PARD3B: variants seen among roughly 807,000 people sequenced by gnomAD.
The protein encoded by PARD3B is par-3 family cell polarity regulator beta.
In PARD3B, 103 loss-of-function variants were observed where a neutral mutation model predicts 130.2. The observed-to-expected ratio is 0.79, with a 90% CI of 0.67 to 0.93. The LOEUF (loss-of-function observed/expected upper bound fraction) is 0.93, where lower values mean the gene tolerates loss of function less well. Ranked by LOEUF, PARD3B falls within the 40% of genes least tolerant of loss-of-function variation. The probability of loss-of-function intolerance (pLI) is 0.00; values close to 1 mark genes in which losing one functional copy is unlikely to be tolerated. For missense variants in PARD3B, 1,609 were observed against 1,499.2 expected, an observed-to-expected ratio of 1.07 and a Z score of -1.21; for synonymous variants, 583 against 553.2, an observed-to-expected ratio of 1.05 and a Z score of -0.76.
chr2:205,027,861 A>C (rs1209484844), intron 3 of PARD3B, among the ~76,000 whole-genome samples: 2 of 152,228 alleles, frequency 1.3e-5, no homozygotes, highest in East Asian at 3.9e-4. Flanking sequence ...CTTGTCAAAG[A>C]TTAGTTGACC....
At chr2:205,355,708 C>T (rs942499806) in intron 18 of PARD3B, among the ~76,000 whole-genome samples, 6 of 152,114 alleles carry the variant, frequency 3.9e-5, no homozygotes, top group Admixed American at 6.5e-5. Flanking sequence ...AAAAAAACTG[C>T]CCAAGACTGG....
intron 18 of PARD3B, among the ~76,000 whole-genome samples, chr2:205,313,141 C>T (rs1237230562): frequency 1.3e-5 from 2 of 152,062 alleles, no homozygotes; most frequent in Admixed American, 1.3e-4. Context: ...AGTATGATAA[C>T]TAAAAAGTTA....
At chr2:205,415,607 C>T (rs1299457517) in intron 19 of PARD3B, among the ~76,000 whole-genome samples, 1 of 152,196 alleles carries the variant, frequency 6.6e-6, no homozygotes, top group Non-Finnish European at 1.5e-5. Context: ...GGAATAAGCA[C>T]ACTCTACTGA....
intron 3 of PARD3B, among the ~76,000 whole-genome samples, chr2:204,980,293 G>C (rs1361943018): frequency 1.3e-5 from 2 of 152,138 alleles, no homozygotes; most frequent in Non-Finnish European, 2.9e-5. Context: ...TGTAGTATTT[G>C]TTTATAACCC....
At chr2:205,067,835 C>G (rs1306285644) in intron 4 of PARD3B, among the ~76,000 whole-genome samples, 1 of 152,150 alleles carries the variant, frequency 6.6e-6, no homozygotes, top group Non-Finnish European at 1.5e-5. Flanking sequence ...ACTCAGCCTT[C>G]CTTTCATTTC....
At chr2:204,802,421 A>G (rs999691107) in intron 2 of PARD3B, among the ~76,000 whole-genome samples, 7 of 152,200 alleles carry the variant, frequency 4.6e-5, no homozygotes, top group Non-Finnish European at 8.8e-5. Context: ...ACCATTGTGG[A>G]AGACAGTGTG....
At chr2:204,778,155 A>G (rs908026301) in intron 2 of PARD3B, among the ~76,000 whole-genome samples, 14 of 151,996 alleles carry the variant, frequency 9.2e-5, no homozygotes, top group Non-Finnish European at 1.8e-4. Flanking sequence ...TCAAAAAAAA[A>G]AAAAAAAAAG....
intron 1 of PARD3B, among the ~76,000 whole-genome samples, chr2:204,579,116 A>AATC (rs374676828): frequency 0.018 from 2,662 of 150,798 alleles, 40 homozygotes; most frequent in African/African-American, 0.038. Context: ...TATGAAAGGA[A>AATC]ATCATCATCA....
rs1701185181 is a variant in PARD3B, at chr2:205,078,080, A to C, written c.505-26346A>C. Among the ~76,000 whole-genome samples, 1 of 152,222 alleles carries C rather than the reference A, an allele frequency of 6.6e-6. No homozygotes were observed. Among genetic ancestry groups the C allele is most frequent in the East Asian group, 1.9e-4 (1 of 5,198 alleles). On this transcript the variant is annotated intron_variant, in intron 4 of 22. Coordinates refer to ENST00000406610, the MANE Select transcript of PARD3B (RefSeq NM_001302769.2). The surrounding 1 kb of genome is among the most constrained non-coding windows in gnomAD (Gnocchi z 4.0). ...ATTGTGATTTTAATCCCAGAGAGTC[A>C]GTTTATGTCTGTATAACATGCATGG...
intron 19 of PARD3B, among the ~76,000 whole-genome samples, chr2:205,415,427 A>G (rs1369022236): frequency 1.3e-5 from 2 of 152,184 alleles, no homozygotes; most frequent in African/African-American, 4.8e-5. Context: ...TGGGCACTTA[A>G]TTCTTGAGGA....
chr2:204,702,999 A>G (rs915096617), intron 2 of PARD3B, among the ~76,000 whole-genome samples: 2 of 152,220 alleles, frequency 1.3e-5, no homozygotes, highest in South Asian at 2.1e-4. Context: ...TCCAATTAGA[A>G]TTTACTTTAT....
intron 2 of PARD3B, among the ~76,000 whole-genome samples, chr2:204,843,512 C>T (rs2044332858): frequency 6.6e-6 from 1 of 152,034 alleles, no homozygotes; most frequent in Non-Finnish European, 1.5e-5. Context: ...GCCTCAGCCT[C>T]TTGAGTAGCT....
At chr2:205,545,746 G>A (rs933362556) in intron 21 of PARD3B, among the ~76,000 whole-genome samples, 4 of 152,098 alleles carry the variant, frequency 2.6e-5, no homozygotes, top group Non-Finnish European at 5.9e-5. Flanking sequence ...ATTTTGAATT[G>A]TTTCCGCTTT....
intron 10 of PARD3B, among the ~76,000 whole-genome samples, chr2:205,148,091 C>T (rs2033494840): frequency 6.6e-6 from 1 of 151,570 alleles, no homozygotes; most frequent in Admixed American, 6.6e-5. Flanking sequence ...TGTATTTTGC[C>T]CTCTAGACTA....
At position 205,606,656 on chromosome 2, in the gene PARD3B, C is replaced by T. The variant is rs192738434; in HGVS notation, c.3261-8800C>T. Among the ~76,000 whole-genome samples the T allele has an allele frequency of 7.2e-5, 11 of 152,292 alleles. No homozygotes were observed. The East Asian group carries it at 1.9e-3, about 27-fold the overall frequency. On this transcript the variant is annotated intron_variant, in intron 22 of 22. Coordinates refer to ENST00000406610, the MANE Select transcript of PARD3B (RefSeq NM_001302769.2). ...GCTCCAGATACCCTCTCTAGACCAACCTTCTGCTTCTTACTTGCCTGCTCT... is the reference window on the plus strand; with the variant it reads ...GCTCCAGATACCCTCTCTAGACCAATCTTCTGCTTCTTACTTGCCTGCTCT...
chr2:204,944,369 G>T (rs191826378), intron 2 of PARD3B, among the ~76,000 whole-genome samples: 47 of 152,272 alleles, frequency 3.1e-4, no homozygotes, highest in Admixed American at 7.2e-4. Flanking sequence ...CCCAGCTCCC[G>T]CTAGGATACC....
At chr2:204,805,643 A>G (rs1400391654) in intron 2 of PARD3B, among the ~76,000 whole-genome samples, 1 of 152,188 alleles carries the variant, frequency 6.6e-6, no homozygotes, top group Non-Finnish European at 1.5e-5. Context: ...CCTGATGAAC[A>G]TTGATGAAAA....
At chr2:205,022,936 G>A (rs897465716) in intron 3 of PARD3B, among the ~76,000 whole-genome samples, 3 of 152,136 alleles carry the variant, frequency 2.0e-5, no homozygotes, top group African/African-American at 4.8e-5. Context: ...CACTAAGCTG[G>A]TTTCAACAGC....
At chr2:205,040,691 G>A (rs904266405) in intron 3 of PARD3B, among the ~76,000 whole-genome samples, 29 of 152,104 alleles carry the variant, frequency 1.9e-4, no homozygotes, top group Non-Finnish European at 3.2e-4. Context: ...TTAGCCACTT[G>A]CAGTTTACTT....
Sources: gnomAD v4.1 joint callset for allele counts (sites outside exome capture counted in the v4.1 genomes callset) on GRCh38, gnomAD v4.1.1 for gene constraint, Gnocchi (gnomAD v3.1) non-coding constraint, MANE v1.5 for transcripts, NCBI Gene and HGNC (gene_info 2026-07-23, HGNC 2026-07-21) for gene names.